The following SLC43A1 variants were observed in gnomAD, a reference collection of about 807,000 sequenced individuals.
The protein encoded by SLC43A1 is solute carrier family 43 member 1.
In SLC43A1, 31 loss-of-function variants were observed where a neutral mutation model predicts 59.5. The observed-to-expected ratio is 0.52, with a 90% CI of 0.39 to 0.70. The LOEUF (loss-of-function observed/expected upper bound fraction) is 0.70, where lower values mean the gene tolerates loss of function less well. Ranked by LOEUF, SLC43A1 falls within the 30% of genes least tolerant of loss-of-function variation. The probability of loss-of-function intolerance (pLI) is 0.00; values close to 1 mark genes in which losing one functional copy is unlikely to be tolerated. For synonymous variants in SLC43A1, 259 were observed against 290.9 expected (o/e 0.89, Z 1.12); for missense variants, 598 against 717.8 (o/e 0.83, Z 1.91).
Position 57,487,207 on chromosome 11 carries a change from T to G in SLC43A1, c.1421A>C (p.Asn474Thr). The change falls in exon 14 of 15, where the codon AAC (asparagine) becomes ACC (threonine). Residue 474 changes from asparagine (N) to threonine (T), a missense_variant. Physicochemically the swap from Asn to Thr is moderately conservative, Grantham distance 65. Coordinates refer to ENST00000278426, the MANE Select transcript of SLC43A1 (RefSeq NM_003627.6). ...CAGGCCTGTCAGCGTCCCAAAGTGG[T>G]TGGATGGGAACCTGTCCACGAGACG... ...GSLYAAVFPS[N>T]HFGTLTGLQS... 1 of 1,613,516 alleles carries G rather than the reference T, an allele frequency of 6.2e-7. No homozygotes were observed. Among genetic ancestry groups the G allele is most frequent in the Admixed American group, 1.7e-5 (1 of 60,014 alleles).
Position 57,489,295 on chromosome 11 carries a change from C to T in SLC43A1, c.1291G>A (p.Val431Met), listed in dbSNP as rs370079983. Residue 431 changes from valine (V) to methionine (M), a missense_variant, in exon 12 of 15, where the codon GTG becomes ATG. Coordinates refer to ENST00000278426, the MANE Select transcript of SLC43A1 (RefSeq NM_003627.6). ...ATGAGACAGGTGATGCCAAAACCCA[C>T]AAGCAGCAGGTTGGTCAGGGTGAAG... ...SAFTLTNLLL[V>M]GFGITCLINN... 5 of 1,614,078 alleles carry T rather than the reference C, an allele frequency of 3.1e-6. No individual in the cohort carries two copies. The highest frequency in any genetic ancestry group is 3.4e-6 in the Non-Finnish European group (4 of 1,180,050).
In SLC43A1 at chr11:57,514,156, C is replaced by T. The variant is rs560948721; in HGVS notation, c.-13-32G>A. 40 of 1,532,286 alleles carry T rather than the reference C, an allele frequency of 2.6e-5. No homozygotes were observed. In the South Asian group the frequency reaches 3.4e-4, roughly 13 times the overall value. The allele number at this position is 1,532,286 out of a possible 1,614,324, so 94.9% of individuals were successfully genotyped here. A position where few individuals can be genotyped will look rare whatever the true frequency, so the allele number is the denominator to read the frequency against. On this transcript the variant is annotated intron_variant, in intron 1 of 14. Transcript: ENST00000278426. The surrounding 1 kb of genome is among the most constrained non-coding windows in gnomAD (Gnocchi z 5.5). ...AGAAACAGAGCGCTGGGTGAAGGGC[C>T]CCCCAGTGGCCCCAGGGAAGGGTCC...
chr11:57,501,372 C>G, intron 2 of SLC43A1, 43 bp from the exon 3 acceptor site: 1 of 1,593,722 alleles, frequency 6.3e-7, no homozygotes, highest in South Asian at 1.1e-5. Flanking sequence ...ACACCAGGAA[C>G]AGCTGGGCAC....
At chr11:57,505,034 C>T (rs182507471) in intron 2 of SLC43A1, among the ~76,000 whole-genome samples, 8 of 152,170 alleles carry the variant, frequency 5.3e-5, no homozygotes, top group African/African-American at 1.9e-4. Flanking sequence ...CCAACCCCAA[C>T]ATTTATAGAC....
intron 5 of SLC43A1, among the ~76,000 whole-genome samples, chr11:57,498,838 A>G (rs1159800819): frequency 6.6e-6 from 1 of 152,166 alleles, no homozygotes; most frequent in Non-Finnish European, 1.5e-5. Context: ...CACCTGCCTC[A>G]GCCAAGCCCT....
chr11:57,494,162 G>T lies in SLC43A1; in HGVS notation c.702C>A (p.Ile234=), dbSNP rs769279887. ...GGTCCAGGGCCAGCCCACTCAGCTT[G>T]ATCTTCTTCCTGCAGGCAGCCAGGC... The part of the protein sequence containing the change: ...APEEVNYTKK[I]KLSGLALDHK... Residue 234 remains isoleucine, a synonymous_variant, in exon 8 of 15, where the codon ATC becomes ATA. Transcript: ENST00000278426. 8.7e-6 allele frequency: 14 copies of T among 1,609,310 alleles called. No homozygotes were observed. In the East Asian group the frequency reaches 1.6e-4, roughly 18 times the overall value.
In SLC43A1 at chr11:57,491,772, T is replaced by C; in HGVS notation, c.962A>G (p.Tyr321Cys). 1 of 1,614,220 alleles carries C rather than the reference T, an allele frequency of 6.2e-7. No homozygotes were observed. Among genetic ancestry groups the C allele is most frequent in the Middle Eastern group, 1.6e-4 (1 of 6,062 alleles). Reference sequence around the variant, plus strand: ...CAGCATCTTGTTCACAGCAGCCATGTAGAAGATGATCCGCAGCTGGGTCAT... The same window carrying C: ...CAGCATCTTGTTCACAGCAGCCATGCAGAAGATGATCCGCAGCTGGGTCAT... ...MGMTQLRIIF[Y>C]MAAVNKMLEY... Residue 321 changes from tyrosine (Y) to cysteine (C), a missense_variant, in exon 9 of 15, where the codon TAC (tyrosine) becomes TGC (cysteine). Physicochemically the swap from Tyr to Cys is radical, Grantham distance 194. Transcript: ENST00000278426.
intron 2 of SLC43A1, among the ~76,000 whole-genome samples, chr11:57,503,632 G>A (rs77625556): frequency 0.021 from 3,259 of 152,168 alleles, 123 homozygotes; most frequent in African/African-American, 0.074. Flanking sequence ...CTCTCTACAG[G>A]TTTATCTGCA....
At chr11:57,513,243 C>T (rs1299408514) in intron 2 of SLC43A1, among the ~76,000 whole-genome samples, 1 of 152,216 alleles carries the variant, frequency 6.6e-6, no homozygotes, top group Non-Finnish European at 1.5e-5. Flanking sequence ...AGAGGGGAGC[C>T]CAATTCCATT....
At chr11:57,485,867 T>C (rs149766382) in intron 14 of SLC43A1, among the ~76,000 whole-genome samples, 1 of 152,338 alleles carries the variant, frequency 6.6e-6, no homozygotes, top group African/African-American at 2.4e-5. Context: ...GAGTGCTTGG[T>C]AAATAGAAGC....
intron 11 of SLC43A1, among the ~76,000 whole-genome samples, chr11:57,490,723 C>A (rs993241313): frequency 4.6e-5 from 7 of 152,208 alleles, no homozygotes; most frequent in Non-Finnish European, 1.0e-4. Flanking sequence ...CTGTCAGAAA[C>A]TGTATGAGAT....
At chr11:57,489,094 G>A (rs1943826226) in intron 12 of SLC43A1, 105 bp from the exon 13 acceptor site, 28 of 1,429,402 alleles carry the variant, frequency 2.0e-5, no homozygotes, top group Non-Finnish European at 2.4e-5. Flanking sequence ...CCACCCCCTC[G>A]CCAACCCAAT....
At position 57,494,817 on chromosome 11, in the gene SLC43A1, C is replaced by T. The variant is rs755650920; in HGVS notation, c.693-646G>A. 3.4e-4 allele frequency among the ~76,000 whole-genome samples: 52 copies of T among 152,172 alleles called. No homozygotes were observed. In the Middle Eastern group the frequency reaches 0.02, roughly 60 times the overall value. On this transcript the variant is annotated intron_variant, in intron 7 of 14. Coordinates refer to ENST00000278426, the MANE Select transcript of SLC43A1 (RefSeq NM_003627.6). Reference sequence around the variant, plus strand: ...GCCTCCTACTCAGATCTCCTCCAAACCCAGAAAGGATGAAAACAGTATTTG... The same window carrying T: ...GCCTCCTACTCAGATCTCCTCCAAATCCAGAAAGGATGAAAACAGTATTTG...
chr11:57,511,905 G>A (rs916032440), intron 2 of SLC43A1, among the ~76,000 whole-genome samples: 7 of 152,106 alleles, frequency 4.6e-5, no homozygotes, highest in Non-Finnish European at 8.8e-5. Flanking sequence ...TAGTGCTTGG[G>A]GGCAGAGGTG....
At chr11:57,485,743 T>TA in intron 14 of SLC43A1, among the ~76,000 whole-genome samples, 1 of 152,364 alleles carries the variant, frequency 6.6e-6, no homozygotes. Flanking sequence ...TCTGCATTAC[T>TA]CACTGTGTGA....
At position 57,501,233 on chromosome 11, in the gene SLC43A1, G is replaced by A; in HGVS notation, c.251C>T (p.Ser84Phe). The A allele has an allele frequency of 6.2e-7, 1 of 1,612,566 alleles. No individual in the cohort carries two copies. Among genetic ancestry groups the A allele is most frequent in the Non-Finnish European group, 8.5e-7 (1 of 1,180,048 alleles). ...EMLNLGFTIGSFVLSATTLPL... is the reference protein window; with the variant it reads ...EMLNLGFTIGFFVLSATTLPL... ...CAGGGTGGTGGCGCTGAGCACGAAG[G>A]AACCAATGGTGAAGCCCAGGTTGAG... The change falls in exon 3 of 15, where the codon TCC becomes TTC. Residue 84 changes from serine (S) to phenylalanine (F), a missense_variant. Ser to Phe is a radical substitution (Grantham distance 155). Transcript: ENST00000278426.
intron 13 of SLC43A1, 24 bp downstream of exon 13, chr11:57,488,892 G>T: frequency 6.2e-7 from 1 of 1,602,766 alleles, no homozygotes; most frequent in Non-Finnish European, 8.5e-7. Flanking sequence ...AGCTCAGGAA[G>T]GCATTTCAGC....
rs930074770 is a variant in SLC43A1 at position 57,507,221 on chromosome 11, A to C, written c.155-5892T>G. Among the ~76,000 whole-genome samples, 8 of 152,348 alleles carry C rather than the reference A, an allele frequency of 5.3e-5. No homozygotes were observed. In the South Asian group the frequency reaches 6.2e-4, roughly 12 times the overall value. ...AGAGGCTCACGCCTGTAATCCTAGC[A>C]CTTTAGGAGGCCAAGAAAGGGGGAT... On this transcript the variant is annotated intron_variant, in intron 2 of 14. Coordinates refer to ENST00000278426, the MANE Select transcript of SLC43A1 (RefSeq NM_003627.6).
At chr11:57,505,590 C>A (rs146126158) in intron 2 of SLC43A1, among the ~76,000 whole-genome samples, 56 of 152,144 alleles carry the variant, frequency 3.7e-4, no homozygotes, top group Middle Eastern at 3.4e-3. Context: ...TAGAAACATA[C>A]ATGTATATGT....
Sources: allele counts gnomAD v4.1 joint callset (sites outside exome capture counted in the v4.1 genomes callset), GRCh38; gene constraint gnomAD v4.1.1; non-coding constraint Gnocchi (gnomAD v3.1); transcripts MANE v1.5; gene names NCBI Gene and HGNC (gene_info 2026-07-23, HGNC 2026-07-21).